PPM1E: variants seen among roughly 807,000 people sequenced by gnomAD.
PPM1E encodes protein phosphatase 1E.
In PPM1E, 20 loss-of-function variants were observed where a neutral mutation model predicts 65.9. That is an observed-to-expected ratio of 0.30 (90% CI 0.21 to 0.44). The LOEUF is 0.44. Among genes scored for constraint, PPM1E ranks in the 20% least tolerant of loss-of-function variants. The pLI is 1.00. For synonymous variants in PPM1E, 352 were observed against 374.9 expected, an observed-to-expected ratio of 0.94 and a Z score of 0.70; for missense variants, 713 against 953.1, an observed-to-expected ratio of 0.75 and a Z score of 3.32.
At chr17:58,977,458 A>C (rs2031079260) in intron 6 of PPM1E, among the ~76,000 whole-genome samples, 1 of 151,514 alleles carries the variant, frequency 6.6e-6, no homozygotes, top group South Asian at 2.1e-4. Flanking sequence ...AAAAAAAAAG[A>C]AATAATGAAT....
intron 1 of PPM1E, among the ~76,000 whole-genome samples, chr17:58,937,629 C>A (rs2052000740): frequency 6.7e-6 from 1 of 148,630 alleles, no homozygotes; most frequent in Non-Finnish European, 1.5e-5. Context: ...GTAATCCCAG[C>A]ACTTTGGGAG....
At chr17:58,807,490 C>T (rs1405665309) in intron 1 of PPM1E, among the ~76,000 whole-genome samples, 1 of 151,996 alleles carries the variant, frequency 6.6e-6, no homozygotes, top group Non-Finnish European at 1.5e-5. Context: ...AGAAAATGTT[C>T]TGGAATTAGA....
intron 1 of PPM1E, among the ~76,000 whole-genome samples, chr17:58,937,461 ACCAC>A: frequency 2.0e-5 from 3 of 147,564 alleles, no homozygotes; most frequent in Non-Finnish European, 4.5e-5. Flanking sequence ...ACGGGGTTTC[ACCAC>A]CTTGGCCAGG....
intron 1 of PPM1E, among the ~76,000 whole-genome samples, chr17:58,781,666 C>A (rs1371589488): frequency 1.3e-5 from 2 of 151,934 alleles, no homozygotes; most frequent in Non-Finnish European, 2.9e-5. Flanking sequence ...CTTTCGGAGG[C>A]TGAGGCAGGC....
intron 1 of PPM1E, among the ~76,000 whole-genome samples, chr17:58,883,544 C>T (rs865812102): frequency 7.4e-6 from 1 of 135,160 alleles, no homozygotes; most frequent in Admixed American, 7.9e-5. Flanking sequence ...AGTGCAGTGG[C>T]GCGATCTCGG....
intron 1 of PPM1E, among the ~76,000 whole-genome samples, chr17:58,763,391 T>C (rs1403092260): frequency 5.3e-5 from 8 of 152,130 alleles, no homozygotes; most frequent in African/African-American, 9.7e-5. Context: ...TCATTTTCCA[T>C]TGGCTAGAAT....
intron 1 of PPM1E, among the ~76,000 whole-genome samples, chr17:58,841,802 G>A (rs559520961): frequency 1.3e-5 from 2 of 152,132 alleles, no homozygotes; most frequent in African/African-American, 4.8e-5. Flanking sequence ...CTGCCTCTTG[G>A]GTTCAAGCGA....
intron 1 of PPM1E, among the ~76,000 whole-genome samples, chr17:58,800,861 T>G (rs2050252183): frequency 6.6e-6 from 1 of 152,178 alleles, no homozygotes; most frequent in Non-Finnish European, 1.5e-5. Context: ...TCAGTTTCAC[T>G]GATCTTTTCA....
intron 1 of PPM1E, among the ~76,000 whole-genome samples, chr17:58,922,326 C>G (rs2051763171): frequency 6.6e-6 from 1 of 152,058 alleles, no homozygotes; most frequent in African/African-American, 2.4e-5. Flanking sequence ...GATCATAGCT[C>G]ACTGCAACCT....
At chr17:58,830,289 G>GTTA (rs1266465673) in intron 1 of PPM1E, among the ~76,000 whole-genome samples, 17 of 121,134 alleles carry the variant, frequency 1.4e-4, no homozygotes, top group Admixed American at 2.5e-4. Context: ...TGTTGTTGTT[G>GTTA]TTGTTATTAT....
chr17:58,885,104 C>G (rs187200328), intron 1 of PPM1E, among the ~76,000 whole-genome samples: 3 of 151,902 alleles, frequency 2.0e-5, no homozygotes, highest in Non-Finnish European at 2.9e-5. Flanking sequence ...TTGCCCAGGC[C>G]GGAGTGCAGT....
At chr17:58,860,067 G>T (rs193136970) in intron 1 of PPM1E, among the ~76,000 whole-genome samples, 16 of 152,290 alleles carry the variant, frequency 1.1e-4, no homozygotes, top group African/African-American at 3.8e-4. Context: ...GGGCCTTTTG[G>T]TGTGTGTAAT....
At chr17:58,918,805 CAAAAAAAAAAA>C (rs71143301) in intron 1 of PPM1E, among the ~76,000 whole-genome samples, 1 of 75,818 alleles carries the variant, frequency 1.3e-5, no homozygotes, top group South Asian at 6.8e-4. Context: ...GACTCCGTCT[CAAAAAAAAAAA>C]AAAAAAAAAA....
chr17:58,942,872 T>C lies in PPM1E; in HGVS notation c.465-12777T>C, dbSNP rs146457866. ...AGATTTGAGTATCTTAAAAAGATAC[T>C]CAATTCTGCCTGATGCAGTGGCTCT... On this transcript the variant is annotated intron_variant, in intron 1 of 6. Coordinates refer to ENST00000308249, the MANE Select transcript of PPM1E (RefSeq NM_014906.5). 2.0e-4 allele frequency among the ~76,000 whole-genome samples: 30 copies of C among 151,698 alleles called. No individual in the cohort carries two copies. The East Asian group carries it at 5.6e-3, about 29-fold the overall frequency.
At chr17:58,933,150 A>G (rs1397316910) in intron 1 of PPM1E, among the ~76,000 whole-genome samples, 2 of 152,190 alleles carry the variant, frequency 1.3e-5, no homozygotes, top group African/African-American at 4.8e-5. Flanking sequence ...ACATCGCCTA[A>G]TGATGCTCTT....
intron 1 of PPM1E, among the ~76,000 whole-genome samples, chr17:58,934,068 A>G (rs2051941909): frequency 6.7e-6 from 1 of 149,788 alleles, no homozygotes; most frequent in Non-Finnish European, 1.5e-5. Context: ...AGCCTGGGCA[A>G]CAGAGCAAGA....
intron 1 of PPM1E, among the ~76,000 whole-genome samples, chr17:58,757,525 A>G (rs1165174391): frequency 6.6e-6 from 1 of 152,240 alleles, no homozygotes; most frequent in Non-Finnish European, 1.5e-5. Context: ...GTTGTAATGA[A>G]AGGTGTTACT....
At chr17:58,817,791 G>A (rs537330531) in intron 1 of PPM1E, among the ~76,000 whole-genome samples, 1 of 150,860 alleles carries the variant, frequency 6.6e-6, no homozygotes. Flanking sequence ...TTGCTCTGTC[G>A]CCCAGGCTCG....
rs762540257 is a variant in PPM1E at position 58,756,138 on chromosome 17, C to T, written c.141C>T (p.Pro47=). 22 of 1,602,672 alleles carry T rather than the reference C, an allele frequency of 1.4e-5. No individual in the cohort carries two copies. The South Asian group carries it at 2.2e-4, about 16-fold the overall frequency. Residue 47 remains proline, a synonymous_variant, in exon 1 of 7, where the codon CCC becomes CCT. Coordinates refer to ENST00000308249, the MANE Select transcript of PPM1E (RefSeq NM_014906.5). ...CCGAACCCGAACCCGAGTCCGAGCC[C>T]GAGCCCGAACCTGAACTGGTAGAAG... ...PEPEPEPESE[P]EPEPELVEAE...
Sources: allele counts gnomAD v4.1 joint callset (sites outside exome capture counted in the v4.1 genomes callset), GRCh38; gene constraint gnomAD v4.1.1; transcripts MANE v1.5; gene names NCBI Gene and HGNC (gene_info 2026-07-23, HGNC 2026-07-21).